The following CPVL variants were observed in gnomAD, a reference collection of about 807,000 sequenced individuals.
The protein encoded by CPVL is probable serine carboxypeptidase CPVL.
Under a neutral mutation model 63.7 loss-of-function variants are expected in CPVL, and 51 were observed. The ratio of observed to expected loss-of-function variants is 0.80; its 90% CI spans 0.64 to 1.01. The LOEUF is 1.01. Ranked by LOEUF, CPVL falls within the 50% of genes least tolerant of loss-of-function variation. CPVL has a pLI of 0.00. For synonymous variants in CPVL, 195 were observed against 206.0 expected (o/e 0.95, Z 0.46); for missense variants, 530 against 573.1 (o/e 0.92, Z 0.77).
intron 12 of CPVL, among the ~76,000 whole-genome samples, chr7:29,029,934 G>A (rs776301811): frequency 4.4e-4 from 67 of 151,840 alleles, no homozygotes; most frequent in Non-Finnish European, 4.7e-4. Context: ...CTTACATATC[G>A]ACAACAACAA....
At chr7:29,140,023 C>G (rs1194720196) in intron 1 of CPVL, among the ~76,000 whole-genome samples, 2 of 152,180 alleles carry the variant, frequency 1.3e-5, no homozygotes, top group African/African-American at 2.4e-5. Flanking sequence ...ATCTTTATTT[C>G]ACGTTCTACA....
At chr7:29,071,718 C>G in intron 9 of CPVL, 55 bp downstream of exon 9, 5 of 933,796 alleles carry the variant, frequency 5.4e-6, no homozygotes, top group South Asian at 1.6e-5. Context: ...CACCCGCCCT[C>G]CCTCCCCAGA....
chr7:29,106,149 CAGAG>C (rs1489770989), intron 3 of CPVL, among the ~76,000 whole-genome samples: 3 of 152,118 alleles, frequency 2.0e-5, no homozygotes, highest in Non-Finnish European at 4.4e-5. Context: ...CAGGTGGACA[CAGAG>C]AGACTCAGGA....
intron 1 of CPVL, chr7:29,122,336 A>C (rs949610646): frequency 6.6e-6 from 1 of 152,236 alleles, no homozygotes; most frequent in Admixed American, 6.5e-5. Flanking sequence ...AATTACTCAA[A>C]GGAAGCGTTG....
In CPVL at chr7:29,089,796, C is replaced by T. The variant is rs145927852; in HGVS notation, c.542+2827G>A. 2.1e-3 allele frequency among the ~76,000 whole-genome samples: 324 copies of T among 152,194 alleles called. 2 individuals are homozygous for T. Among genetic ancestry groups the T allele is most frequent in the Non-Finnish European group, 3.3e-3 (224 of 68,016 alleles). ...GGCAGTAGCCCTGCAGGAGCAGACACGGAGTTGTAACACTGCCCCTTCAAT... is the reference window on the plus strand; with the variant it reads ...GGCAGTAGCCCTGCAGGAGCAGACATGGAGTTGTAACACTGCCCCTTCAAT... On this transcript the variant is annotated intron_variant, in intron 6 of 12. Transcript: ENST00000265394.
chr7:29,077,641 C>T (rs947848129), intron 7 of CPVL, among the ~76,000 whole-genome samples: 4 of 152,162 alleles, frequency 2.6e-5, no homozygotes, highest in Non-Finnish European at 5.9e-5. Flanking sequence ...GTGAGAGCTC[C>T]TTTGTATCCC....
chr7:29,104,317 A>G (rs1787507438), intron 3 of CPVL, among the ~76,000 whole-genome samples: 1 of 152,164 alleles, frequency 6.6e-6, no homozygotes, highest in Non-Finnish European at 1.5e-5. Context: ...GCTGGAGTGC[A>G]ATGGCACGAC....
intron 5 of CPVL, among the ~76,000 whole-genome samples, chr7:29,175,331 C>T (rs552819150): frequency 1.2e-4 from 18 of 151,958 alleles, no homozygotes; most frequent in African/African-American, 2.9e-4. Context: ...CATGCCACCA[C>T]GCCTGACTAA....
intron 11 of CPVL, among the ~76,000 whole-genome samples, chr7:29,044,805 T>C (rs1789458706): frequency 6.6e-6 from 1 of 152,186 alleles, no homozygotes; most frequent in South Asian, 2.1e-4. Flanking sequence ...AATTTAAATA[T>C]ACATTTCTTA....
chr7:29,074,196 A>T (rs1397444614), intron 7 of CPVL, among the ~76,000 whole-genome samples: 2 of 152,232 alleles, frequency 1.3e-5, no homozygotes, highest in Non-Finnish European at 2.9e-5. Flanking sequence ...AATATCATTT[A>T]TGTAATTTAT....
intron 7 of CPVL, among the ~76,000 whole-genome samples, chr7:29,084,536 G>C (rs1205023004): frequency 6.6e-6 from 1 of 152,166 alleles, no homozygotes; most frequent in Non-Finnish European, 1.5e-5. Context: ...TACCTCTCTA[G>C]AATGTAGGGC....
At chr7:29,187,106 A>G (rs1286980858) in intron 1 of CPVL, among the ~76,000 whole-genome samples, 1 of 152,210 alleles carries the variant, frequency 6.6e-6, no homozygotes, top group African/African-American at 2.4e-5. Context: ...TATATCACTA[A>G]TGGCAGAAAG....
chr7:29,027,412 T>C (rs1452054534), intron 12 of CPVL, among the ~76,000 whole-genome samples: 10 of 152,082 alleles, frequency 6.6e-5, no homozygotes, highest in Admixed American at 1.3e-4. Context: ...CCTCTAAGAA[T>C]TGGAACAAGA....
Position 29,069,969 on chromosome 7 carries a change from A to G in CPVL, c.864+1804T>C, listed in dbSNP as rs62442639. The stretch of plus-strand genomic sequence containing the variant: ...ATCATTTTAGGCTTGAGATTCTGAC[A>G]TTTATATTCCCCTGGGTTTCAGGAT... On this transcript the variant is annotated intron_variant, in intron 9 of 12. Transcript: ENST00000265394. 6.1e-3 allele frequency among the ~76,000 whole-genome samples: 929 copies of G among 152,286 alleles called. 1 individual carries two copies. The highest frequency in any genetic ancestry group is 7.9e-3 in the Non-Finnish European group (536 of 68,022).
chr7:29,145,134 T>C (rs747645206), intron 1 of CPVL, among the ~76,000 whole-genome samples: 2 of 151,886 alleles, frequency 1.3e-5, no homozygotes, highest in Non-Finnish European at 2.9e-5. Flanking sequence ...GCCGGTGCAG[T>C]GTACTTTTCC....
chr7:28,994,997 T>TTAA (rs1783937604), downstream of CPVL, among the ~76,000 whole-genome samples: 1 of 151,382 alleles, frequency 6.6e-6, no homozygotes, highest in South Asian at 2.1e-4. Context: ...CCAGCTTATC[T>TTAA]TAATTTTTTT....
At chr7:29,031,470 T>C (rs930134424) in intron 11 of CPVL, among the ~76,000 whole-genome samples, 2 of 152,180 alleles carry the variant, frequency 1.3e-5, no homozygotes, top group Non-Finnish European at 2.9e-5. Flanking sequence ...CCTAAAGCAA[T>C]TTTCAATTTG....
intron 12 of CPVL, among the ~76,000 whole-genome samples, chr7:28,999,639 G>A (rs1393363418): frequency 4.6e-5 from 7 of 152,182 alleles, no homozygotes; most frequent in Non-Finnish European, 1.0e-4. Context: ...GAAGGGGTCA[G>A]GTGTTCTTAC....
intron 11 of CPVL, among the ~76,000 whole-genome samples, chr7:29,052,872 G>T (rs890150941): frequency 2.0e-5 from 3 of 152,120 alleles, no homozygotes; most frequent in Non-Finnish European, 4.4e-5. Flanking sequence ...TCATGCCACT[G>T]CACTGCAGCC....
Sources: allele counts gnomAD v4.1 joint callset (sites outside exome capture counted in the v4.1 genomes callset), GRCh38; gene constraint gnomAD v4.1.1; transcripts MANE v1.5; gene names NCBI Gene and HGNC (gene_info 2026-07-23, HGNC 2026-07-21).